The following RNF141 variants were observed in gnomAD, a reference collection of about 807,000 sequenced individuals.
The protein encoded by RNF141 is ring finger protein 141, also known as C3HC4-like zinc finger protein.
A neutral mutation model predicts 27.4 loss-of-function variants in RNF141; 18 were observed. The observed-to-expected ratio is 0.66, with a 90% confidence interval of 0.45 to 0.97. RNF141 has a LOEUF of 0.97. RNF141 is among the 50% of genes least tolerant of loss of function. The probability of loss-of-function intolerance (pLI) is 0.00; values close to 1 mark genes in which losing one functional copy is unlikely to be tolerated. For missense variants in RNF141, 230 were observed against 279.4 expected, an observed-to-expected ratio of 0.82 and a Z score of 1.26; for synonymous variants, 97 against 96.6, an observed-to-expected ratio of 1.00 and a Z score of -0.02.
intron 3 of RNF141, among the ~76,000 whole-genome samples, chr11:10,526,355 T>C (rs1178936159): frequency 1.3e-5 from 2 of 152,290 alleles, no homozygotes; most frequent in Non-Finnish European, 2.9e-5. Flanking sequence ...ACTAGGGGTA[T>C]CAGAAAATGA....
intron 4 of RNF141, among the ~76,000 whole-genome samples, chr11:10,523,970 G>T (rs900589332): frequency 6.6e-6 from 1 of 152,194 alleles, no homozygotes; most frequent in East Asian, 1.9e-4. Context: ...AGTAACACTT[G>T]TATAGACCAA....
chr11:10,533,989 A>G (rs1243704663), intron 2 of RNF141, 27 bp downstream of exon 2: 1 of 1,606,208 alleles, frequency 6.2e-7, no homozygotes, highest in African/African-American at 1.3e-5. Context: ...AAGGGGAAAA[A>G]CGAAAAACAA....
intron 1 of RNF141, among the ~76,000 whole-genome samples, chr11:10,538,017 G>A (rs1336142085): frequency 6.6e-6 from 1 of 152,166 alleles, no homozygotes; most frequent in Non-Finnish European, 1.5e-5. Flanking sequence ...CCAAAGTGGC[G>A]TATTTTGCTA....
At position 10,534,223 on chromosome 11, in the gene RNF141, A is replaced by G; in HGVS notation, c.-47-18T>C. ...CATAGTTTCTGTCAAATATACAGAAAAGTTACTTTTACATATTATACAAAA... is the reference window on the plus strand; with the variant it reads ...CATAGTTTCTGTCAAATATACAGAAGAGTTACTTTTACATATTATACAAAA... On this transcript the variant is annotated intron_variant, in intron 1 of 5. Transcript: ENST00000265981. 6.4e-7 allele frequency: 1 copy of G among 1,552,458 alleles called. No homozygotes were observed.
In RNF141 at chr11:10,525,277, C is replaced by G; in HGVS notation, c.349G>C (p.Val117Leu). ...TCAGAGGTGGAGCTCTGTGCCAATACTCCTGCTGCTTGACTTGTGATATCT... is the reference window on the plus strand; with the variant it reads ...TCAGAGGTGGAGCTCTGTGCCAATAGTCCTGCTGCTTGACTTGTGATATCT... ...YKDITSQAAGVLAQSSTSEEP... is the reference protein window; with the variant it reads ...YKDITSQAAGLLAQSSTSEEP... Residue 117 changes from valine (V) to leucine (L), a missense_variant, in exon 4 of 6, where the codon GTA becomes CTA. Physicochemically the swap from Val to Leu is conservative, Grantham distance 32. Coordinates refer to ENST00000265981, the MANE Select transcript of RNF141 (RefSeq NM_016422.4). The G allele has an allele frequency of 6.2e-7, 1 of 1,613,410 alleles. No homozygotes were observed. Among genetic ancestry groups the G allele is most frequent in the Non-Finnish European group, 8.5e-7 (1 of 1,179,522 alleles).
chr11:10,527,508 C>G lies in RNF141; in HGVS notation c.253-2135G>C, dbSNP rs541745022. 1.7e-4 allele frequency among the ~76,000 whole-genome samples: 25 copies of G among 148,920 alleles called. No individual in the cohort carries two copies. In the South Asian group the frequency reaches 5.2e-3, roughly 31 times the overall value. On this transcript the variant is annotated intron_variant, in intron 3 of 5. Coordinates refer to ENST00000265981, the MANE Select transcript of RNF141 (RefSeq NM_016422.4). ...GGAGCACAGAGAGTCTCACAAGAAGCCCAGAGTGTTTGGAACAGAGTGACA... is the reference window on the plus strand; with the variant it reads ...GGAGCACAGAGAGTCTCACAAGAAGGCCAGAGTGTTTGGAACAGAGTGACA...
intron 1 of RNF141, among the ~76,000 whole-genome samples, chr11:10,537,961 C>T (rs144173377): frequency 4.6e-5 from 7 of 152,358 alleles, no homozygotes; most frequent in East Asian, 3.9e-4. Flanking sequence ...GCACTTCTTA[C>T]ATCTGCTGCT....
intron 2 of RNF141, chr11:10,531,934 G>T (rs1849989817): frequency 2.3e-6 from 1 of 425,664 alleles, no homozygotes; most frequent in Non-Finnish European, 4.7e-6. Context: ...ACAGTTCTCG[G>T]AGATCACTGC....
chr11:10,518,994 C>T, intron 5 of RNF141, 40 bp downstream of exon 5: 5 of 1,504,902 alleles, frequency 3.3e-6, no homozygotes, highest in Non-Finnish European at 4.6e-6. Flanking sequence ...CACTATCCCA[C>T]TGACCTTGGC....
intron 2 of RNF141, chr11:10,532,117 G>A: frequency 1.9e-5 from 6 of 319,410 alleles, no homozygotes; most frequent in Admixed American, 4.4e-5. Flanking sequence ...TTATGCTAAA[G>A]GGCAAAACTT....
chr11:10,519,836 C>G (rs919326118), intron 4 of RNF141, among the ~76,000 whole-genome samples: 2 of 152,168 alleles, frequency 1.3e-5, no homozygotes, highest in African/African-American at 4.8e-5. Flanking sequence ...CTAGGTGAGT[C>G]AGTGAGTGAG....
chr11:10,524,412 A>G (rs1849914708), intron 4 of RNF141, among the ~76,000 whole-genome samples: 1 of 152,248 alleles, frequency 6.6e-6, no homozygotes, highest in African/African-American at 2.4e-5. Context: ...ATTAAAAAAA[A>G]AAAAATCACT....
intron 1 of RNF141, among the ~76,000 whole-genome samples, chr11:10,539,820 T>C (rs1253211422): frequency 6.6e-6 from 1 of 150,742 alleles, no homozygotes; most frequent in East Asian, 1.9e-4. Flanking sequence ...AAAAAGCATA[T>C]TAGACTTGTA....
chr11:10,540,661 T>A (rs775646881), intron 1 of RNF141: 1 of 152,272 alleles, frequency 6.6e-6, no homozygotes, highest in African/African-American at 2.4e-5. Flanking sequence ...AAAAGGTTTC[T>A]TATTTGGGTG....
intron 1 of RNF141, among the ~76,000 whole-genome samples, chr11:10,539,570 C>T (rs2133978584): frequency 6.8e-6 from 1 of 148,128 alleles, no homozygotes; most frequent in South Asian, 2.1e-4. Flanking sequence ...AAACAGATAT[C>T]AACTTTTTTT....
chr11:10,533,006 A>G (rs1350187637), intron 2 of RNF141, among the ~76,000 whole-genome samples: 1 of 152,170 alleles, frequency 6.6e-6, no homozygotes, highest in African/African-American at 2.4e-5. Flanking sequence ...TGCACATACT[A>G]TGTGCTTAGT....
chr11:10,532,041 G>C (rs751050206), intron 2 of RNF141: 1 of 448,402 alleles, frequency 2.2e-6, no homozygotes, highest in African/African-American at 2.0e-5. Context: ...GAAGACCTCT[G>C]TATCACACAG....
intron 4 of RNF141, among the ~76,000 whole-genome samples, chr11:10,519,754 A>T (rs1021876292): frequency 1.4e-5 from 2 of 147,228 alleles, no homozygotes; most frequent in African/African-American, 4.9e-5. Context: ...TAAATACGGT[A>T]TACAAGATTA....
At chr11:10,536,071 A>G (rs1850032039) in intron 1 of RNF141, among the ~76,000 whole-genome samples, 1 of 152,212 alleles carries the variant, frequency 6.6e-6, no homozygotes, top group Admixed American at 6.5e-5. Context: ...ACACAAATAA[A>G]TGTATAATTA....
Sources: allele counts gnomAD v4.1 joint callset (sites outside exome capture counted in the v4.1 genomes callset), GRCh38; gene constraint gnomAD v4.1.1; transcripts MANE v1.5; gene names NCBI Gene and HGNC (gene_info 2026-07-23, HGNC 2026-07-21).